BIRC2: variants seen among roughly 807,000 people sequenced by gnomAD.
The protein encoded by BIRC2 is baculoviral IAP repeat-containing protein 2.
In BIRC2, 18 loss-of-function variants were observed where a neutral mutation model predicts 60.9. That is an observed-to-expected ratio of 0.30 (90% CI 0.20 to 0.44). The LOEUF (loss-of-function observed/expected upper bound fraction) is 0.44. Among genes scored for constraint, BIRC2 ranks in the 20% least tolerant of loss-of-function variants. The pLI is 1.00. For missense variants in BIRC2, 701 were observed against 728.5 expected, an observed-to-expected ratio of 0.96 and a Z score of 0.43; for synonymous variants, 282 against 247.7, an observed-to-expected ratio of 1.14 and a Z score of -1.30.
intron 5 of BIRC2, among the ~76,000 whole-genome samples, chr11:102,366,699 C>T (rs207472275): frequency 1.3e-5 from 2 of 152,092 alleles, no homozygotes; most frequent in Admixed American, 6.6e-5. Flanking sequence ...TCCAAACTAC[C>T]GTCATCTGTG....
chr11:102,353,484 G>GTTTTTTTTTTTTTTTTTTTTTTTT (rs1565331945), intron 3 of BIRC2, among the ~76,000 whole-genome samples: 4 of 151,762 alleles, frequency 2.6e-5, no homozygotes, highest in African/African-American at 9.7e-5. Flanking sequence ...ACACTCAGTA[G>GTTTTTTTTTTTTTTTTTTTTTTTT]TTTTTGTATT....
intron 3 of BIRC2, among the ~76,000 whole-genome samples, chr11:102,356,826 A>G (rs1209087089): frequency 1.3e-5 from 2 of 151,702 alleles, no homozygotes; most frequent in African/African-American, 2.4e-5. Flanking sequence ...CCACAGGTGC[A>G]TGCCACCACA....
intron 5 of BIRC2, among the ~76,000 whole-genome samples, chr11:102,364,186 CAGAGAGAG>C (rs56992401): frequency 6.6e-4 from 66 of 99,760 alleles, no homozygotes; most frequent in Non-Finnish European, 8.5e-4. Context: ...CACACACACA[CAGAGAGAG>C]AGAGAGAGAG....
chr11:102,374,062 C>G (rs1160962106), intron 6 of BIRC2, among the ~76,000 whole-genome samples: 1 of 141,850 alleles, frequency 7.0e-6, no homozygotes, highest in Non-Finnish European at 1.5e-5. Flanking sequence ...TCTAGTTATA[C>G]ATTCTTCTAA....
In BIRC2 at chr11:102,349,854, C is replaced by T. The variant is rs368198854; in HGVS notation, c.-1C>T. ...CTATCAAACAGTACTGTCACCTACT[C>T]ATGCACAAAACTGCCTCCCAAAGAC... On this transcript the variant is annotated 5_prime_UTR_variant, in exon 2 of 9. Coordinates refer to ENST00000227758, the MANE Select transcript of BIRC2 (RefSeq NM_001166.5). 8 of 1,597,074 alleles carry T rather than the reference C, an allele frequency of 5.0e-6. No individual in the cohort carries two copies. In the African/African-American group the frequency reaches 1.1e-4, roughly 21 times the overall value.
At chr11:102,375,649 G>C (rs994246468) in intron 6 of BIRC2, among the ~76,000 whole-genome samples, 4 of 152,006 alleles carry the variant, frequency 2.6e-5, no homozygotes, top group Non-Finnish European at 5.9e-5. Flanking sequence ...GCATGGTGGC[G>C]GATGCCTGTA....
chr11:102,359,335 A>G (rs1036034306), intron 3 of BIRC2, among the ~76,000 whole-genome samples: 3 of 152,180 alleles, frequency 2.0e-5, no homozygotes, highest in African/African-American at 7.2e-5. Context: ...TATTTTTAAT[A>G]CTTTTTTTTA....
At chr11:102,358,419 T>C (rs1469275973) in intron 3 of BIRC2, among the ~76,000 whole-genome samples, 1 of 152,144 alleles carries the variant, frequency 6.6e-6, no homozygotes, top group Non-Finnish European at 1.5e-5. Flanking sequence ...AAATGTAAAA[T>C]TCAAAACACT....
At chr11:102,359,507 C>A (rs751309034) in intron 3 of BIRC2, among the ~76,000 whole-genome samples, 1 of 152,126 alleles carries the variant, frequency 6.6e-6, no homozygotes, top group Non-Finnish European at 1.5e-5. Flanking sequence ...AACTCTTCAG[C>A]GTTTCTTGTA....
chr11:102,365,849 T>C (rs1951547484), intron 5 of BIRC2, among the ~76,000 whole-genome samples: 1 of 152,190 alleles, frequency 6.6e-6, no homozygotes, highest in Non-Finnish European at 1.5e-5. Context: ...TGCCTCGGCC[T>C]CCCATAGTGC....
chr11:102,375,142 T>C (rs932708789), intron 6 of BIRC2, among the ~76,000 whole-genome samples: 3 of 152,252 alleles, frequency 2.0e-5, no homozygotes, highest in Non-Finnish European at 4.4e-5. Context: ...TCGCTCACGC[T>C]GGGAGCTGTA....
At chr11:102,353,518 A>T (rs1006630104) in intron 3 of BIRC2, among the ~76,000 whole-genome samples, 2 of 151,904 alleles carry the variant, frequency 1.3e-5, no homozygotes, top group Non-Finnish European at 2.9e-5. Flanking sequence ...CAGTTTCGCT[A>T]TGTTGGCCAG....
intron 3 of BIRC2, among the ~76,000 whole-genome samples, chr11:102,357,630 A>G (rs775242989): frequency 6.6e-6 from 1 of 152,066 alleles, no homozygotes; most frequent in Non-Finnish European, 1.5e-5. Context: ...CTGTGTTATC[A>G]ATGGTAACAT....
intron 3 of BIRC2, among the ~76,000 whole-genome samples, chr11:102,354,509 C>A (rs868227737): frequency 6.6e-6 from 1 of 152,296 alleles, no homozygotes; most frequent in Middle Eastern, 3.4e-3. Flanking sequence ...GCTCATCCCC[C>A]ATTCATCCCT....
At chr11:102,373,057 G>GT (rs1262252295) in intron 6 of BIRC2, among the ~76,000 whole-genome samples, 1 of 150,382 alleles carries the variant, frequency 6.6e-6, no homozygotes, top group African/African-American at 2.5e-5. Context: ...GAGCCTATGT[G>GT]TGTCTCTGCA....
At chr11:102,365,929 C>G (rs543680191) in intron 5 of BIRC2, among the ~76,000 whole-genome samples, 1 of 152,304 alleles carries the variant, frequency 6.6e-6, no homozygotes, top group African/African-American at 2.4e-5. Context: ...CTTGACTTAT[C>G]AGACCCCATA....
At chr11:102,361,067 G>A (rs915717641) in intron 3 of BIRC2, among the ~76,000 whole-genome samples, 1 of 152,144 alleles carries the variant, frequency 6.6e-6, no homozygotes, top group Non-Finnish European at 1.5e-5. Flanking sequence ...TGGCCAAGGG[G>A]ATTCTTCTTG....
intron 3 of BIRC2, among the ~76,000 whole-genome samples, chr11:102,355,799 C>G (rs2135807621): frequency 6.6e-6 from 1 of 152,172 alleles, no homozygotes; most frequent in African/African-American, 2.4e-5. Flanking sequence ...TTATCAGTGT[C>G]ATATGTTTTT....
At chr11:102,369,268 CTCA>C (rs1951593476) in intron 6 of BIRC2, among the ~76,000 whole-genome samples, 1 of 147,866 alleles carries the variant, frequency 6.8e-6, no homozygotes, top group Non-Finnish European at 1.5e-5. Context: ...CACCCACTAA[CTCA>C]TCATCTAGCA....
Sources: gnomAD v4.1 joint callset for allele counts (sites outside exome capture counted in the v4.1 genomes callset) on GRCh38, gnomAD v4.1.1 for gene constraint, MANE v1.5 for transcripts, NCBI Gene and HGNC (gene_info 2026-07-23, HGNC 2026-07-21) for gene names.